PABIR2: variants seen among roughly 807,000 people sequenced by gnomAD.
The protein encoded by PABIR2 is family with sequence similarity 122B.
A neutral mutation model predicts 22.8 loss-of-function variants in PABIR2; 7 were observed. That is an observed-to-expected ratio of 0.31 (90% confidence interval 0.17 to 0.58). PABIR2 has a LOEUF of 0.58. PABIR2 is among the 20% of genes least tolerant of loss of function. The pLI is 0.89. For missense variants in PABIR2, 155 were observed against 205.1 expected, an observed-to-expected ratio of 0.76 and a Z score of 1.49; for synonymous variants, 67 against 73.8, an observed-to-expected ratio of 0.91 and a Z score of 0.47.
chrX:134,772,929 T>C lies in PABIR2; in HGVS notation c.660-646A>G, dbSNP rs966630973. ...TTTGATCCCTTCAGTTATTCTCCAG[T>C]TAAGCTTCTACAATGAATAATCTAC... On this transcript the variant is annotated intron_variant, in intron 9 of 9. Coordinates refer to ENST00000343004, the MANE Select transcript of PABIR2 (RefSeq NM_001387468.1). Among the ~76,000 whole-genome samples, 4 of 111,731 alleles carry C rather than the reference T, an allele frequency of 3.6e-5. No homozygotes were observed. The East Asian group carries it at 8.4e-4, about 23-fold the overall frequency.
intron 8 of PABIR2, among the ~76,000 whole-genome samples, chrX:134,784,229 G>A (rs760208447): frequency 1.8e-4 from 20 of 110,978 alleles, no homozygotes; most frequent in Admixed American, 6.8e-4. Context: ...CAGCACTTTG[G>A]GAGGCCGAGG....
Position 134,772,085 on chromosome X carries a change from T to C in PABIR2, c.*54A>G. ...GATCAAAGTTCTCTGCGTTCCCCAC[T>C]AAACATTTTATGTAGGAAACAGCAG... On this transcript the variant is annotated 3_prime_UTR_variant, in exon 10 of 10. Transcript: ENST00000343004. 1 of 1,151,423 alleles carries C rather than the reference T, an allele frequency of 8.7e-7. No individual in the cohort carries two copies. The highest frequency in any genetic ancestry group is 2.5e-5 in the Admixed American group (1 of 39,281). 94.9% of individuals were successfully genotyped at this position (1,151,423 alleles called of 1,213,427 possible).
At chrX:134,776,812 T>C (rs1478852693) in intron 9 of PABIR2, among the ~76,000 whole-genome samples, 5 of 111,935 alleles carry the variant, frequency 4.5e-5, no homozygotes, top group Non-Finnish European at 9.4e-5. Flanking sequence ...GGGCAGGGAA[T>C]AGACTATAAA....
rs772417559 is a variant in PABIR2, at chrX:134,793,826, G to A, written c.166C>T (p.Arg56Cys). Residue 56 changes from arginine (R) to cysteine (C), a missense_variant, in exon 2 of 10, where the codon CGT (arginine) becomes TGT (cysteine). Arg to Cys is a radical substitution (Grantham distance 180, BLOSUM62 -3). Coordinates refer to ENST00000343004, the MANE Select transcript of PABIR2 (RefSeq NM_001387468.1). Reference protein sequence around the residue: ...TRRNSTTIMSRHSLLLSSSPN... With the variant: ...TRRNSTTIMSCHSLLLSSSPN... ...ACTTCTATACTTACCAGGCTGTGAC[G>A]GCTCATAATTGTTGTACTATTCCTC... 1.1e-5 allele frequency: 13 copies of A among 1,208,521 alleles called. No homozygotes were observed. The highest frequency in any genetic ancestry group is 5.3e-5 in the South Asian group (3 of 56,725).
intron 2 of PABIR2, among the ~76,000 whole-genome samples, chrX:134,792,321 T>C (rs901140853): frequency 1.8e-5 from 2 of 112,081 alleles, no homozygotes; most frequent in African/African-American, 6.5e-5. Flanking sequence ...AGACCATGGT[T>C]GATAAGAATC....
intron 2 of PABIR2, chrX:134,793,499 G>A (rs985744842): frequency 5.9e-6 from 2 of 336,813 alleles, no homozygotes; most frequent in Admixed American, 3.9e-5. Flanking sequence ...TGCATCCTAC[G>A]ACAAATGAAG....
At position 134,796,230 on chromosome X, in the gene PABIR2, GGGCA is replaced by G. The variant is rs1412702657; in HGVS notation, c.-29_-26del. The G allele has an allele frequency of 2.6e-6, 3 of 1,158,237 alleles. No individual in the cohort carries two copies. The highest frequency in any genetic ancestry group is 3.5e-6 in the Non-Finnish European group (3 of 852,405). On this transcript the variant is annotated 5_prime_UTR_variant, in exon 1 of 10. Transcript: ENST00000343004. The stretch of plus-strand genomic sequence containing the variant: ...TGTCAGACTTGCAGGCAGGCACAGC[GGGCA>G]GTGCTCAGCTCCTGGTGCTTAGCTA...
chrX:134,788,974 A>G lies in PABIR2; in HGVS notation c.333+111T>C, dbSNP rs1603050911. ...GAAAAGCAGAGATCAAAAAACAAGT[A>G]TCAATTTGGAAGTAGAAGGGGAAAG... On this transcript the variant is annotated intron_variant, in intron 5 of 9. Coordinates refer to ENST00000343004, the MANE Select transcript of PABIR2 (RefSeq NM_001387468.1). 14 of 1,046,763 alleles carry G rather than the reference A, an allele frequency of 1.3e-5. No individual in the cohort carries two copies. The East Asian group carries it at 4.4e-4, about 33-fold the overall frequency. 86.3% of individuals were successfully genotyped at this position (1,046,763 alleles called of 1,213,427 possible).
intron 6 of PABIR2, 101 bp from the exon 7 acceptor site, chrX:134,787,634 T>TTTTG (rs2079375656): frequency 1.7e-6 from 1 of 601,310 alleles, no homozygotes; most frequent in African/African-American, 2.5e-5. Context: ...TTTTTTTTTT[T>TTTTG]AGAGACAGGG....
chrX:134,794,490 C>G (rs1299426789), intron 1 of PABIR2, among the ~76,000 whole-genome samples: 1 of 111,195 alleles, frequency 9.0e-6, no homozygotes, highest in Admixed American at 9.6e-5. Context: ...GAATGCCATA[C>G]CCTTCAGTGA....
chrX:134,793,587 T>C, intron 2 of PABIR2: 2 of 484,628 alleles, frequency 4.1e-6, no homozygotes, highest in Admixed American at 2.7e-5. Context: ...CAAATAATAA[T>C]GAACAATTTT....
chrX:134,789,940 A>T (rs1250852903), intron 2 of PABIR2, among the ~76,000 whole-genome samples: 1 of 111,797 alleles, frequency 8.9e-6, no homozygotes, highest in East Asian at 2.8e-4. Context: ...AATATCCATT[A>T]TCCCACTTAT....
intron 1 of PABIR2, 51 bp from the exon 2 acceptor site, chrX:134,793,944 T>C: frequency 8.5e-7 from 1 of 1,177,866 alleles, no homozygotes; most frequent in Non-Finnish European, 1.1e-6. Context: ...AGTAATGTTT[T>C]CTAATGGAAG....
At chrX:134,784,823 C>T (rs1229732012) in intron 8 of PABIR2, among the ~76,000 whole-genome samples, 1 of 111,107 alleles carries the variant, frequency 9.0e-6, no homozygotes, top group African/African-American at 3.3e-5. Flanking sequence ...CTAGTGTTGA[C>T]TGATACTAAA....
chrX:134,794,504 C>T (rs1342197134), intron 1 of PABIR2, among the ~76,000 whole-genome samples: 1 of 111,412 alleles, frequency 9.0e-6, no homozygotes, highest in Non-Finnish European at 1.9e-5. Context: ...TCAGTGAAGG[C>T]ATGGCACAAA....
intron 8 of PABIR2, among the ~76,000 whole-genome samples, chrX:134,785,229 G>T (rs2079276361): frequency 2.7e-5 from 3 of 111,810 alleles, no homozygotes; most frequent in Admixed American, 1.9e-4. Flanking sequence ...AGTTTCCCTA[G>T]AACACAAGAG....
In PABIR2 at chrX:134,771,543, T is replaced by C; in HGVS notation, c.*596A>G. ...CCCAACAGCAAAGAAGCAATAAGAG[T>C]AATGAAAGCAACTACGTATTTCTTC... On this transcript the variant is annotated 3_prime_UTR_variant, in exon 10 of 10. Transcript: ENST00000343004. 1 of 963,965 alleles carries C rather than the reference T, an allele frequency of 1.0e-6. No homozygotes were observed. The highest frequency in any genetic ancestry group is 4.2e-5 in the East Asian group (1 of 24,044). The allele number at this position is 963,965 out of a possible 1,213,427, so 79.4% of individuals were successfully genotyped here.
intron 9 of PABIR2, among the ~76,000 whole-genome samples, chrX:134,775,338 G>A (rs1399683002): frequency 1.8e-5 from 2 of 109,391 alleles, no homozygotes; most frequent in South Asian, 3.9e-4. Context: ...AGACCACGGC[G>A]AAACCCCGTC....
intron 8 of PABIR2, among the ~76,000 whole-genome samples, chrX:134,785,133 T>C (rs1001413978): frequency 8.9e-6 from 1 of 112,078 alleles, no homozygotes; most frequent in Admixed American, 9.5e-5. Flanking sequence ...AAAACTGTTA[T>C]GAAGTATAAG....
Sources: allele counts gnomAD v4.1 joint callset (sites outside exome capture counted in the v4.1 genomes callset), GRCh38; gene constraint gnomAD v4.1.1; transcripts MANE v1.5; gene names NCBI Gene and HGNC (gene_info 2026-07-23, HGNC 2026-07-21).